SFI1: variants seen among roughly 807,000 people sequenced by gnomAD.
SFI1 encodes SFI1 centrin binding protein.
SFI1 carries 195 observed loss-of-function variants against 207.5 expected under a neutral mutation model. The ratio of observed to expected loss-of-function variants is 0.94; its 90% CI spans 0.84 to 1.06. The LOEUF is 1.06. Among genes scored for constraint, SFI1 ranks in the 50% least tolerant of loss-of-function variants. SFI1 has a pLI of 0.00. For missense variants in SFI1, 1,634 were observed against 1,588.0 expected (o/e 1.03, Z -0.49); for synonymous variants, 630 against 598.9 (o/e 1.05, Z -0.76).
intron 29 of SFI1, chr22:31,615,519 A>C (rs1603371450): frequency 1.0e-5 from 4 of 399,850 alleles, no homozygotes; most frequent in Admixed American, 4.3e-5. Flanking sequence ...GCAAAGAAAA[A>C]CCCCTGCCTG....
In SFI1 at chr22:31,595,256, A is replaced by C. The variant is rs1037871533; in HGVS notation, c.1544+5679A>C. ...CGTGATCCACCCGCCTTGGCCTCCC[A>C]AAGTGCTGGGATTACAGGCATGAGC... is the stretch of plus-strand genomic sequence containing the variant. On this transcript the variant is annotated intron_variant, in intron 15 of 32. Transcript: ENST00000400288. Among the ~76,000 whole-genome samples, 4 of 152,314 alleles carry C rather than the reference A, an allele frequency of 2.6e-5. No homozygotes were observed. In the South Asian group the frequency reaches 8.3e-4, roughly 32 times the overall value.
At chr22:31,552,503 C>T (rs766436209) in intron 6 of SFI1, among the ~76,000 whole-genome samples, 3 of 152,126 alleles carry the variant, frequency 2.0e-5, no homozygotes, top group East Asian at 1.9e-4. Flanking sequence ...CTGCCTGCCT[C>T]GGCCTCCCAA....
intron 4 of SFI1, 102 bp from the exon 5 acceptor site, chr22:31,546,759 G>A (rs576434914): frequency 1.5e-5 from 10 of 654,610 alleles, no homozygotes; most frequent in Non-Finnish European, 2.4e-5. Flanking sequence ...GAGCCACCAC[G>A]CCCGGCTGTA....
chr22:31,544,046 C>T (rs983347883), intron 4 of SFI1, among the ~76,000 whole-genome samples: 1 of 151,874 alleles, frequency 6.6e-6, no homozygotes, highest in Non-Finnish European at 1.5e-5. Flanking sequence ...AAAATTAGCT[C>T]GTTTGGGTGG....
At chr22:31,531,372 G>C (rs1288528636) in intron 4 of SFI1, among the ~76,000 whole-genome samples, 1 of 152,146 alleles carries the variant, frequency 6.6e-6, no homozygotes, top group African/African-American at 2.4e-5. Flanking sequence ...TAAAGGTTAA[G>C]TTTTAGTGTT....
intron 20 of SFI1, 53 bp from the exon 21 acceptor site, chr22:31,606,275 C>G (rs369136169): frequency 3.3e-6 from 5 of 1,528,260 alleles, no homozygotes; most frequent in East Asian, 2.3e-5. Flanking sequence ...AGAAGCCTCC[C>G]TTCTCTCTCT....
chr22:31,565,631 C>G (rs2062217826), intron 8 of SFI1, among the ~76,000 whole-genome samples: 1 of 151,956 alleles, frequency 6.6e-6, no homozygotes, highest in Non-Finnish European at 1.5e-5. Flanking sequence ...CCTGGGAGGT[C>G]AAGGCTGCAG....
chr22:31,577,034 C>T (rs915336299), intron 10 of SFI1, among the ~76,000 whole-genome samples: 4 of 152,164 alleles, frequency 2.6e-5, no homozygotes, highest in Non-Finnish European at 5.9e-5. Flanking sequence ...TTTATTTGTT[C>T]ATCAAAGTCT....
chr22:31,531,000 G>A, intron 3 of SFI1, 58 bp from the exon 4 acceptor site: 1 of 1,440,656 alleles, frequency 6.9e-7, no homozygotes, highest in Non-Finnish European at 9.7e-7. Flanking sequence ...CCAGAAAACT[G>A]CTGATGTAAG....
chr22:31,553,999 G>A (rs892674775), intron 6 of SFI1, among the ~76,000 whole-genome samples: 14 of 150,550 alleles, frequency 9.3e-5, no homozygotes, highest in African/African-American at 2.9e-4. Context: ...ACCATACCTG[G>A]CTAAGTTTTT....
intron 2 of SFI1, among the ~76,000 whole-genome samples, chr22:31,519,140 A>G (rs1460187973): frequency 6.6e-6 from 1 of 152,132 alleles, no homozygotes; most frequent in African/African-American, 2.4e-5. Flanking sequence ...ATGAAATACA[A>G]CTACAGTCAT....
intron 4 of SFI1, among the ~76,000 whole-genome samples, chr22:31,546,497 A>G (rs943750215): frequency 2.6e-5 from 4 of 151,490 alleles, no homozygotes; most frequent in South Asian, 4.2e-4. Flanking sequence ...TGCCCAGGTA[A>G]TTTTTGCATT....
At position 31,580,379 on chromosome 22, in the gene SFI1, C is replaced by G. The variant is rs760344326; in HGVS notation, c.1248+15C>G. On this transcript the variant is annotated intron_variant, in intron 12 of 32. Coordinates refer to ENST00000400288, the MANE Select transcript of SFI1 (RefSeq NM_001007467.3). ...ATGGTGTCACGGTGAGGGTTGTCTT[C>G]TGTATCAAGGGACCTCTTCTGAAGG... 2.0e-5 allele frequency: 32 copies of G among 1,606,146 alleles called. No individual in the cohort carries two copies. The highest frequency in any genetic ancestry group is 1.6e-5 in the Non-Finnish European group (19 of 1,172,966).
intron 20 of SFI1, 136 bp downstream of exon 20, chr22:31,605,081 G>A (rs2068745470): frequency 2.8e-6 from 2 of 727,190 alleles, no homozygotes; most frequent in African/African-American, 1.8e-5. Context: ...TCATGGTCTT[G>A]GCTTTTCCAC....
Position 31,611,768 on chromosome 22 carries a change from C to G in SFI1, c.2418C>G (p.Leu806=). 6.2e-7 allele frequency: 1 copy of G among 1,613,262 alleles called. No homozygotes were observed. Among genetic ancestry groups the G allele is most frequent in the Non-Finnish European group, 8.5e-7 (1 of 1,179,940 alleles). The change falls in exon 24 of 33, where the codon CTC becomes CTG. Residue 806 remains leucine (L), a splice_region_variant and synonymous_variant. Coordinates refer to ENST00000400288, the MANE Select transcript of SFI1 (RefSeq NM_001007467.3). ...THHLQCVRKR[L]LHRQSTQLLA... is the part of the protein sequence containing the mutation. ...TCTGTGCACTTGCTCTCCCCCAGCT[C>G]CTGCACAGGCAGAGCACCCAACTGC...
chr22:31,583,959 T>C lies in SFI1; in HGVS notation c.1333T>C (p.Trp445Arg). The C allele has an allele frequency of 6.2e-7, 1 of 1,613,926 alleles. No homozygotes were observed. The highest frequency in any genetic ancestry group is 8.5e-7 in the Non-Finnish European group (1 of 1,179,832). The change falls in exon 13 of 33, where the codon TGG becomes CGG. Residue 445 changes from tryptophan to arginine, a missense_variant. Transcript: ENST00000400288. ...RELLPLLHAAWDHYRIALLCK... is the reference protein window; with the variant it reads ...RELLPLLHAARDHYRIALLCK... ...GCTGCTCCCCTTACTGCATGCTGCC[T>C]GGGACCACTACAGGTAGGGACTCTG...
intron 15 of SFI1, among the ~76,000 whole-genome samples, chr22:31,590,204 C>A (rs1043976244): frequency 1.3e-5 from 2 of 151,020 alleles, no homozygotes; most frequent in African/African-American, 2.4e-5. Flanking sequence ...CCCACAGATT[C>A]AAATGCTTGT....
In SFI1 at chr22:31,498,239, G is replaced by C. The variant is rs9619204; in HGVS notation, c.-31+1602G>C. Among the ~76,000 whole-genome samples, 889 of 152,224 alleles carry C rather than the reference G, an allele frequency of 5.8e-3. 12 individuals are homozygous for C. Among genetic ancestry groups the C allele is most frequent in the African/African-American group, 0.02 (821 of 41,524 alleles). On this transcript the variant is annotated intron_variant, in intron 1 of 32. Coordinates refer to ENST00000400288, the MANE Select transcript of SFI1 (RefSeq NM_001007467.3). ...GAACCCGGGAGGCGGAGCTTGCAGT[G>C]AGCCAAGATTGCGCCATTGCACTCC... is the stretch of plus-strand genomic sequence containing the variant.
Position 31,546,988 on chromosome 22 carries a change from C to A in SFI1, c.449+17C>A. 2 of 1,523,616 alleles carry A rather than the reference C, an allele frequency of 1.3e-6. No homozygotes were observed. The highest frequency in any genetic ancestry group is 1.8e-6 in the Non-Finnish European group (2 of 1,107,808). The allele number at this position is 1,523,616 out of a possible 1,614,324, so 94.4% of individuals were successfully genotyped here. A position where few individuals can be genotyped will look rare whatever the true frequency, so the allele number is the denominator to read the frequency against. ...TCACTACAGGTCAGGTTTCATGTTACACTCCTTCAGTTTTACTGATGCACA... is the reference window on the plus strand; with the variant it reads ...TCACTACAGGTCAGGTTTCATGTTAAACTCCTTCAGTTTTACTGATGCACA... On this transcript the variant is annotated intron_variant, in intron 5 of 32. Coordinates refer to ENST00000400288, the MANE Select transcript of SFI1 (RefSeq NM_001007467.3).
Sources: allele counts gnomAD v4.1 joint callset (sites outside exome capture counted in the v4.1 genomes callset), GRCh38; gene constraint gnomAD v4.1.1; transcripts MANE v1.5; gene names NCBI Gene and HGNC (gene_info 2026-07-23, HGNC 2026-07-21).